The following SLC10A1 variants were observed in gnomAD, a reference collection of about 807,000 sequenced individuals.
SLC10A1 encodes the protein hepatic sodium/bile acid cotransporter.
In SLC10A1, 36 loss-of-function variants were observed where a neutral mutation model predicts 20.5. The observed-to-expected ratio is 1.75, with a 90% CI of 1.34 to 2.32. SLC10A1 has a LOEUF of 2.32. Among genes scored for constraint, SLC10A1 ranks in the 30% most tolerant of loss-of-function variants. SLC10A1 has a pLI of 0.00. For missense variants in SLC10A1, 545 were observed against 439.1 expected, an observed-to-expected ratio of 1.24 and a Z score of -2.16; for synonymous variants, 188 against 163.6, an observed-to-expected ratio of 1.15 and a Z score of -1.14.
chr14:69,778,240 T>G, intron 4 of SLC10A1, 93 bp downstream of exon 4: 1 of 1,059,452 alleles, frequency 9.4e-7, no homozygotes, highest in Non-Finnish European at 1.4e-6. Context: ...GTTAAAGCCC[T>G]ATCCAAAAAG....
rs1882397952 is a variant in SLC10A1, at chr14:69,796,943, G to C, written c.213C>G (p.Ile71Met). ...CCAGCACAAAGGCCGTGAGGGGCAT[G>C]ATGCCATACTGTGCCACCAGGGCGA... ...LAIALVAQYG[I>M]MPLTAFVLGK... is the part of the protein sequence containing the mutation. Residue 71 changes from isoleucine (I) to methionine (M), a missense_variant, in exon 1 of 5, where the codon ATC (isoleucine) becomes ATG (methionine). Ile to Met is a conservative substitution (Grantham distance 10). Coordinates refer to ENST00000216540, the MANE Select transcript of SLC10A1 (RefSeq NM_003049.4). 3.7e-6 allele frequency: 6 copies of C among 1,614,228 alleles called. No homozygotes were observed. Among genetic ancestry groups the C allele is most frequent in the Middle Eastern group, 3.3e-4 (2 of 6,062 alleles).
intron 2 of SLC10A1, among the ~76,000 whole-genome samples, chr14:69,780,164 T>C (rs1883556451): frequency 6.6e-6 from 1 of 152,220 alleles, no homozygotes; most frequent in African/African-American, 2.4e-5. Context: ...CAGAAATATC[T>C]TGGGTGATAA....
chr14:69,780,524 T>G (rs1379160415), intron 2 of SLC10A1, among the ~76,000 whole-genome samples: 1 of 152,264 alleles, frequency 6.6e-6, no homozygotes, highest in Non-Finnish European at 1.5e-5. Context: ...AAGTTTGCCA[T>G]TTTAATCACT....
chr14:69,796,693 C>G, intron 1 of SLC10A1, 107 bp downstream of exon 1: 1 of 922,424 alleles, frequency 1.1e-6, no homozygotes, highest in Non-Finnish European at 1.6e-6. Flanking sequence ...CTCCACCCAG[C>G]CTGCATTCAC....
chr14:69,797,019 A>G lies in SLC10A1; in HGVS notation c.137T>C (p.Met46Thr), dbSNP rs1846997886. The part of the protein sequence containing the change: ...FFIMLSLGCT[M>T]EFSKIKAHLW... ...GTGAGCCTTGATCTTGCTGAACTCC[A>G]TGGTGCAGCCCAGCGAGAGCATGAT... Residue 46 changes from methionine to threonine, a missense_variant, in exon 1 of 5, where the codon ATG (methionine) becomes ACG (threonine). Coordinates refer to ENST00000216540, the MANE Select transcript of SLC10A1 (RefSeq NM_003049.4). 1 of 1,614,226 alleles carries G rather than the reference A, an allele frequency of 6.2e-7. No homozygotes were observed.
At chr14:69,789,990 A>G (rs751593826) in intron 1 of SLC10A1, among the ~76,000 whole-genome samples, 9 of 151,504 alleles carry the variant, frequency 5.9e-5, no homozygotes, top group Non-Finnish European at 1.3e-4. Flanking sequence ...GAAAAGAGAG[A>G]TGGCACAAAT....
intron 1 of SLC10A1, among the ~76,000 whole-genome samples, chr14:69,790,463 T>TA (rs534516234): frequency 2.1e-3 from 319 of 152,182 alleles, no homozygotes; most frequent in African/African-American, 7.4e-3. Flanking sequence ...ATAAGTGTTT[T>TA]AAAAAATACA....
chr14:69,776,840 T>G (rs745684405), intron 4 of SLC10A1, among the ~76,000 whole-genome samples: 2 of 152,208 alleles, frequency 1.3e-5, no homozygotes, highest in African/African-American at 2.4e-5. Flanking sequence ...AAGATAGCTT[T>G]GATTCCTGCA....
chr14:69,790,970 G>A (rs1382254930), intron 1 of SLC10A1, among the ~76,000 whole-genome samples: 1 of 151,880 alleles, frequency 6.6e-6, no homozygotes, highest in African/African-American at 2.4e-5. Flanking sequence ...AATTGGGTCT[G>A]ATATACTAGA....
At chr14:69,792,966 G>A (rs1201157364) in intron 1 of SLC10A1, among the ~76,000 whole-genome samples, 1 of 152,082 alleles carries the variant, frequency 6.6e-6, no homozygotes, top group Non-Finnish European at 1.5e-5. Flanking sequence ...GAAAAGGGTC[G>A]GTGGAAATGC....
intron 1 of SLC10A1, among the ~76,000 whole-genome samples, chr14:69,794,639 C>T (rs1882351709): frequency 6.6e-6 from 1 of 152,176 alleles, no homozygotes; most frequent in African/African-American, 2.4e-5. Context: ...TGAAGTCTGG[C>T]AGCACATGAA....
intron 1 of SLC10A1, among the ~76,000 whole-genome samples, chr14:69,787,536 A>T (rs1015098211): frequency 4.6e-5 from 7 of 152,368 alleles, no homozygotes; most frequent in Admixed American, 2.0e-4. Flanking sequence ...TAAAGATGGA[A>T]TATGGCTTAA....
At chr14:69,785,901 G>T (rs767930244) in intron 2 of SLC10A1, among the ~76,000 whole-genome samples, 196 bp downstream of exon 2, 3 of 151,622 alleles carry the variant, frequency 2.0e-5, no homozygotes, top group African/African-American at 7.3e-5. Context: ...GAGCCACCAC[G>T]CCAGCCTCAT....
rs534307306 is a variant in SLC10A1 at position 69,788,495 on chromosome 14, G to A, written c.357-2188C>T. Among the ~76,000 whole-genome samples the A allele has an allele frequency of 4.6e-5, 7 of 151,478 alleles. No homozygotes were observed. The South Asian group carries it at 1.5e-3, about 32-fold the overall frequency. On this transcript the variant is annotated intron_variant, in intron 1 of 4. Transcript: ENST00000216540. ...AACAAGAGAATGGGAGGAAATATTT[G>A]CAAGTCATATATCTGATAAGGGTCT...
At position 69,779,213 on chromosome 14, in the gene SLC10A1, C is replaced by CT; in HGVS notation, c.714_715insA (p.Val239SerfsTer39). 2 of 1,612,272 alleles carry CT rather than the reference C, an allele frequency of 1.2e-6. No homozygotes were observed. The highest frequency in any genetic ancestry group is 1.7e-6 in the Non-Finnish European group (2 of 1,179,498). On this transcript the variant is annotated frameshift_variant, in exon 3 of 5. Transcript: ENST00000216540. LOFTEE classifies it high-confidence loss of function. ...TTGAGGCAGAAGAGAGCAGAGAGAA[C>CT]ATAACCCAGCAGAAAGCCAATAAAA...
In SLC10A1 at chr14:69,779,324, C is replaced by G; in HGVS notation, c.604G>C (p.Val202Leu). ...MIIILLCSVA[V>L]TVLSAINVGK... The stretch of plus-strand genomic sequence containing the variant: ...ACATTGATGGCAGAGAGAACTGTGA[C>G]GGCCACACTGCACAAGAGAATGATG... The change falls in exon 3 of 5, where the codon GTC becomes CTC. Residue 202 changes from valine (V) to leucine (L), a missense_variant. Physicochemically the swap from Val to Leu is conservative, Grantham distance 32. Transcript: ENST00000216540. 1 of 1,613,804 alleles carries G rather than the reference C, an allele frequency of 6.2e-7. No homozygotes were observed. Among genetic ancestry groups the G allele is most frequent in the Non-Finnish European group, 8.5e-7 (1 of 1,179,930 alleles).
chr14:69,779,383 G>A, intron 2 of SLC10A1, 23 bp from the exon 3 acceptor site: 1 of 1,592,404 alleles, frequency 6.3e-7, no homozygotes, highest in African/African-American at 1.3e-5. Flanking sequence ...ACAAGAAAAG[G>A]CAATTAGAAG....
At chr14:69,792,863 G>A (rs906450650) in intron 1 of SLC10A1, among the ~76,000 whole-genome samples, 1 of 150,462 alleles carries the variant, frequency 6.6e-6, no homozygotes. Context: ...AAGCTGTTAG[G>A]TGATGTGGAC....
At chr14:69,779,110 G>A (rs984795801) in intron 3 of SLC10A1, 72 bp downstream of exon 3, 2 of 1,175,720 alleles carry the variant, frequency 1.7e-6, no homozygotes, top group East Asian at 2.6e-5. Context: ...GCAGTGAGCT[G>A]AGAATGTGCT....
Sources: gnomAD v4.1 joint callset for allele counts (sites outside exome capture counted in the v4.1 genomes callset) on GRCh38, gnomAD v4.1.1 for gene constraint, MANE v1.5 for transcripts, NCBI Gene and HGNC (gene_info 2026-07-23, HGNC 2026-07-21) for gene names.